The following CSMD1 variants were observed in gnomAD, a reference collection of about 807,000 sequenced individuals.
The protein encoded by CSMD1 is CUB and sushi domain-containing protein 1.
Under a neutral mutation model 417.5 loss-of-function variants are expected in CSMD1, and 213 were observed. The observed-to-expected ratio is 0.51, with a 90% CI of 0.46 to 0.57. The LOEUF (loss-of-function observed/expected upper bound fraction) is 0.57, where lower values mean the gene tolerates loss of function less well. Among genes scored for constraint, CSMD1 ranks in the 20% least tolerant of loss-of-function variants. CSMD1 has a pLI of 0.00. For synonymous variants in CSMD1, 2,862 were observed against 1,736.8 expected, an observed-to-expected ratio of 1.65 and a Z score of -16.11; for missense variants, 6,923 against 4,529.7, an observed-to-expected ratio of 1.53 and a Z score of -15.17.
At chr8:4,208,385 G>C (rs1482821755) in intron 3 of CSMD1, among the ~76,000 whole-genome samples, 3 of 152,148 alleles carry the variant, frequency 2.0e-5, no homozygotes, top group African/African-American at 7.2e-5. Flanking sequence ...AAGGAATTGA[G>C]TTACTGGCCT....
At chr8:3,317,706 T>A (rs763564220) in intron 23 of CSMD1, among the ~76,000 whole-genome samples, 3 of 152,242 alleles carry the variant, frequency 2.0e-5, no homozygotes, top group Non-Finnish European at 4.4e-5. Context: ...CATTACTTGA[T>A]GTGTTCACAA....
At chr8:4,377,694 T>G (rs1262798081) in intron 3 of CSMD1, among the ~76,000 whole-genome samples, 1 of 152,226 alleles carries the variant, frequency 6.6e-6, no homozygotes, top group Non-Finnish European at 1.5e-5. Flanking sequence ...TTTAAAAATT[T>G]CATCTGTGGC....
intron 3 of CSMD1, among the ~76,000 whole-genome samples, chr8:4,083,774 G>C (rs546427332): frequency 2.0e-5 from 3 of 152,266 alleles, no homozygotes; most frequent in East Asian, 1.9e-4. Flanking sequence ...TCAGGACATA[G>C]GCATGGGCAA....
intron 52 of CSMD1, among the ~76,000 whole-genome samples, chr8:3,006,163 C>T (rs1459248248): frequency 1.3e-5 from 2 of 151,400 alleles, no homozygotes; most frequent in African/African-American, 4.9e-5. Flanking sequence ...GAGTGAACTC[C>T]CATTCACAAT....
chr8:4,700,622 T>G (rs1004072546), intron 1 of CSMD1, among the ~76,000 whole-genome samples: 8 of 152,140 alleles, frequency 5.3e-5, no homozygotes, highest in African/African-American at 1.9e-4. Flanking sequence ...CAGAAACAAC[T>G]GACTCAATCT....
At chr8:3,284,104 T>C in intron 26 of CSMD1, 40 bp downstream of exon 26, 2 of 1,446,790 alleles carry the variant, frequency 1.4e-6, no homozygotes, top group Non-Finnish European at 1.9e-6. Flanking sequence ...TGACAAGACT[T>C]TGATATCAAG....
At chr8:4,234,860 C>A (rs2128816915) in intron 3 of CSMD1, among the ~76,000 whole-genome samples, 1 of 152,196 alleles carries the variant, frequency 6.6e-6, no homozygotes, top group Non-Finnish European at 1.5e-5. Flanking sequence ...CTTGCTCTGT[C>A]CCCACGTAGC....
chr8:4,017,942 A>G (rs1398103704), intron 4 of CSMD1, among the ~76,000 whole-genome samples: 2 of 152,174 alleles, frequency 1.3e-5, no homozygotes, highest in East Asian at 1.9e-4. Context: ...CTGGTTGCAC[A>G]CAATGGGCAA....
chr8:3,138,928 G>C (rs1818274377), intron 41 of CSMD1, among the ~76,000 whole-genome samples: 1 of 152,170 alleles, frequency 6.6e-6, no homozygotes. Flanking sequence ...AGAGAAGTTG[G>C]AAGAGTAAAT....
chr8:3,780,406 C>T (rs755718077), intron 5 of CSMD1, among the ~76,000 whole-genome samples: 9 of 152,140 alleles, frequency 5.9e-5, no homozygotes, highest in Non-Finnish European at 1.3e-4. Flanking sequence ...CTTTTCAGCA[C>T]ACATTATCAA....
chr8:3,585,536 G>C (rs781222380), intron 9 of CSMD1, among the ~76,000 whole-genome samples: 24 of 151,950 alleles, frequency 1.6e-4, no homozygotes, highest in Admixed American at 2.6e-4. Context: ...TGTAATTCTG[G>C]TAAGAATTTG....
At chr8:3,848,227 C>G (rs549252926) in intron 5 of CSMD1, among the ~76,000 whole-genome samples, 1 of 152,260 alleles carries the variant, frequency 6.6e-6, no homozygotes, top group Non-Finnish European at 1.5e-5. Flanking sequence ...GACATTGATC[C>G]TGCCCTTAAT....
In CSMD1 at chr8:4,356,003, G is replaced by A. The variant is rs554979221; in HGVS notation, c.415+63950C>T. 2.0e-5 allele frequency among the ~76,000 whole-genome samples: 3 copies of A among 152,200 alleles called. No individual in the cohort carries two copies. The East Asian group carries it at 5.8e-4, about 29-fold the overall frequency. The stretch of plus-strand genomic sequence containing the variant: ...TTTTCATGATATTGGGGTACATGTG[G>A]CATTTGGTTACTTAAGTTACTGGTG... On this transcript the variant is annotated intron_variant, in intron 3 of 69. Transcript: ENST00000635120.
chr8:4,672,979 T>A (rs1378540502), intron 1 of CSMD1, among the ~76,000 whole-genome samples: 1 of 151,422 alleles, frequency 6.6e-6, no homozygotes, highest in Non-Finnish European at 1.5e-5. Flanking sequence ...CACGTTTCCA[T>A]AGTGGCATAC....
At chr8:3,984,289 G>A (rs1405090047) in intron 5 of CSMD1, among the ~76,000 whole-genome samples, 1 of 152,162 alleles carries the variant, frequency 6.6e-6, no homozygotes, top group Admixed American at 6.5e-5. Flanking sequence ...CCAATAAAAT[G>A]TCACACATGC....
intron 3 of CSMD1, among the ~76,000 whole-genome samples, chr8:4,350,173 G>T (rs1801009002): frequency 6.6e-6 from 1 of 152,040 alleles, no homozygotes. Flanking sequence ...ATTGTTACAA[G>T]CCTTCTCTTC....
chr8:3,516,991 A>G (rs1797307756), intron 10 of CSMD1, among the ~76,000 whole-genome samples: 2 of 152,166 alleles, frequency 1.3e-5, no homozygotes, highest in South Asian at 4.1e-4. Flanking sequence ...AAACACAGAA[A>G]ACAGGGCACT....
intron 7 of CSMD1, chr8:3,700,727 C>T (rs1025263940): frequency 6.6e-6 from 1 of 152,148 alleles, no homozygotes; most frequent in African/African-American, 2.4e-5. Context: ...AGCAAAGTCC[C>T]TGGGGTGTTG....
At chr8:3,768,614 C>A (rs1179376220) in intron 5 of CSMD1, among the ~76,000 whole-genome samples, 1 of 152,226 alleles carries the variant, frequency 6.6e-6, no homozygotes, top group Non-Finnish European at 1.5e-5. Flanking sequence ...TAAATAGAAG[C>A]AGGAATTGAC....
Sources: gnomAD v4.1 joint callset for allele counts (sites outside exome capture counted in the v4.1 genomes callset) on GRCh38, gnomAD v4.1.1 for gene constraint, MANE v1.5 for transcripts, NCBI Gene and HGNC (gene_info 2026-07-23, HGNC 2026-07-21) for gene names.